CYTIP: variants seen among roughly 807,000 people sequenced by gnomAD.
CYTIP encodes cytohesin 1 interacting protein.
CYTIP carries 26 observed loss-of-function variants against 43.8 expected under a neutral mutation model. The observed-to-expected ratio is 0.59, with a 90% CI of 0.44 to 0.82. CYTIP has a LOEUF of 0.82. Among genes scored for constraint, CYTIP ranks in the 40% least tolerant of loss-of-function variants. CYTIP has a pLI of 0.00. For synonymous variants in CYTIP, 162 were observed against 162.9 expected, an observed-to-expected ratio of 0.99 and a Z score of 0.04; for missense variants, 426 against 443.1, an observed-to-expected ratio of 0.96 and a Z score of 0.35.
Position 157,427,414 on chromosome 2 carries a change from C to G in CYTIP, c.483G>C (p.Glu161Asp). Residue 161 changes from glutamate (E) to aspartate (D), a missense_variant, in exon 6 of 8, where the codon GAG becomes GAC. Transcript: ENST00000264192. Reference protein sequence around the residue: ...IRSSGNLLTIETLNGTMILKR... With the variant: ...IRSSGNLLTIDTLNGTMILKR... The stretch of plus-strand genomic sequence containing the variant: ...TCAGAATCATTGTTCCATTAAGAGT[C>G]TCTATCCTGTTTTAAGGAAAAAAAA... 1 of 1,602,620 alleles carries G rather than the reference C, an allele frequency of 6.2e-7. No homozygotes were observed. Among genetic ancestry groups the G allele is most frequent in the Non-Finnish European group, 8.5e-7 (1 of 1,176,314 alleles).
In CYTIP at chr2:157,424,977, C is replaced by A. The variant is rs370542007; in HGVS notation, c.546+2374G>T. 1.2e-4 allele frequency among the ~76,000 whole-genome samples: 19 copies of A among 152,058 alleles called. No homozygotes were observed. The South Asian group carries it at 3.7e-3, about 30-fold the overall frequency. ...TACAAAATAAATGGTACTGGAAGAA[C>A]TGGTTATTCATATGGAAAAAAATTA... On this transcript the variant is annotated intron_variant, in intron 6 of 7. Coordinates refer to ENST00000264192, the MANE Select transcript of CYTIP (RefSeq NM_004288.5).
chr2:157,418,518 T>C lies in CYTIP; in HGVS notation c.613+5A>G. The C allele has an allele frequency of 6.3e-7, 1 of 1,588,132 alleles. No individual in the cohort carries two copies. The highest frequency in any genetic ancestry group is 1.4e-5 in the African/African-American group (1 of 73,488). ...TGTGGTTTCTGAACAGGAAATTGCATTTACCATGAAGCAGACGATGTTCCT... is the reference window on the plus strand; with the variant it reads ...TGTGGTTTCTGAACAGGAAATTGCACTTACCATGAAGCAGACGATGTTCCT... On this transcript the variant is annotated splice_donor_5th_base_variant and intron_variant, in intron 7 of 7. Coordinates refer to ENST00000264192, the MANE Select transcript of CYTIP (RefSeq NM_004288.5).
chr2:157,430,523 A>AT, intron 5 of CYTIP, 36 bp downstream of exon 5: 3 of 1,570,376 alleles, frequency 1.9e-6, no homozygotes, highest in Non-Finnish European at 2.6e-6. Flanking sequence ...AAAACATAAC[A>AT]TTTTGAAGCC....
chr2:157,421,880 A>G (rs543720635), intron 6 of CYTIP, among the ~76,000 whole-genome samples: 1 of 152,344 alleles, frequency 6.6e-6, no homozygotes, highest in South Asian at 2.1e-4. Context: ...GACATGCAAG[A>G]TAGAAAACAG....
rs571689168 is a variant in CYTIP, at chr2:157,429,035, A to G, written c.476+1524T>C. Among the ~76,000 whole-genome samples the G allele has an allele frequency of 9.2e-5, 14 of 152,322 alleles. No individual in the cohort carries two copies. In the South Asian group the frequency reaches 2.7e-3, roughly 29 times the overall value. The stretch of plus-strand genomic sequence containing the variant: ...GCCCCCTCTAAGCTTCAGGCACTTC[A>G]TCTATAAATAGGAATAAAATTAACC... On this transcript the variant is annotated intron_variant, in intron 5 of 7. Coordinates refer to ENST00000264192, the MANE Select transcript of CYTIP (RefSeq NM_004288.5).
intron 1 of CYTIP, 50 bp from the exon 2 acceptor site, chr2:157,434,797 T>A: frequency 7.9e-7 from 1 of 1,258,516 alleles, no homozygotes; most frequent in Non-Finnish European, 1.1e-6. Context: ...CAAGATACAC[T>A]GTAAAATGTT....
intron 1 of CYTIP, chr2:157,438,941 G>A (rs1344315517): frequency 7.1e-6 from 3 of 422,594 alleles, no homozygotes; most frequent in African/African-American, 2.0e-5. Context: ...TCATCCAATC[G>A]GTCTTTTGAA....
intron 1 of CYTIP, among the ~76,000 whole-genome samples, chr2:157,435,327 A>G (rs1278408492): frequency 6.6e-6 from 1 of 152,216 alleles, no homozygotes; most frequent in African/African-American, 2.4e-5. Flanking sequence ...TCTCTAAACA[A>G]CCAACTCACA....
intron 2 of CYTIP, 36 bp downstream of exon 2, chr2:157,434,661 AT>A: frequency 6.6e-7 from 1 of 1,513,942 alleles, no homozygotes; most frequent in Non-Finnish European, 9.2e-7. Flanking sequence ...GTTCCTAAAT[AT>A]TTTGGGAGAG....
chr2:157,436,553 C>G (rs1685809171), intron 1 of CYTIP, among the ~76,000 whole-genome samples: 1 of 151,834 alleles, frequency 6.6e-6, no homozygotes, highest in Non-Finnish European at 1.5e-5. Flanking sequence ...CAGTATTCAT[C>G]ATATTATTCA....
intron 5 of CYTIP, among the ~76,000 whole-genome samples, chr2:157,428,929 C>G (rs1346634595): frequency 6.6e-6 from 1 of 152,236 alleles, no homozygotes; most frequent in African/African-American, 2.4e-5. Context: ...GCAGCTGTAG[C>G]TGAAAAGGAC....
intron 5 of CYTIP, 21 bp downstream of exon 5, chr2:157,430,538 G>T (rs370533583): frequency 6.2e-7 from 1 of 1,603,530 alleles, no homozygotes; most frequent in South Asian, 1.1e-5. Flanking sequence ...GAAGCCCCAC[G>T]GGAACTAGAC....
chr2:157,416,697 G>T (rs1297603612), intron 7 of CYTIP, among the ~76,000 whole-genome samples: 3 of 152,136 alleles, frequency 2.0e-5, no homozygotes, highest in African/African-American at 7.2e-5. Context: ...TTAGAGAAAG[G>T]ATTTGTGAAA....
At chr2:157,424,835 G>T (rs1241750694) in intron 6 of CYTIP, among the ~76,000 whole-genome samples, 1 of 152,082 alleles carries the variant, frequency 6.6e-6, no homozygotes, top group African/African-American at 2.4e-5. Context: ...AATAGTTTGG[G>T]ATAAACAAAT....
rs757884012 is a variant in CYTIP, at chr2:157,443,935, G to A, written c.86C>T (p.Thr29Ile). 46 of 1,614,062 alleles carry A rather than the reference G, an allele frequency of 2.8e-5. No individual in the cohort carries two copies. In the South Asian group the frequency reaches 3.8e-4, roughly 13 times the overall value. ...CAGPAYSSYS[T>I]LTGSLTMDDN... Reference sequence around the variant, plus strand: ...GTCCATCGTAAGGCTGCCGGTGAGTGTGGAGTAAGAGCTATACGCTGGCCC... The same window carrying A: ...GTCCATCGTAAGGCTGCCGGTGAGTATGGAGTAAGAGCTATACGCTGGCCC... The change falls in exon 1 of 8, where the codon ACA (threonine) becomes ATA (isoleucine). Residue 29 changes from threonine (T) to isoleucine (I), a missense_variant. Transcript: ENST00000264192.
rs1685473322 is a variant in CYTIP at position 157,418,556 on chromosome 2, A to C, written c.580T>G (p.Ser194Ala). ...TLKQKWVEYR[S>A]LQLQEHRLLH... is the part of the protein sequence containing the mutation. ...AGACGATGTTCCTGTAACTGCAGAG[A>C]TCTGTACTCCACCCATTTTTGTTTC... Residue 194 changes from serine (S) to alanine (A), a missense_variant, in exon 7 of 8, where the codon TCT becomes GCT. Coordinates refer to ENST00000264192, the MANE Select transcript of CYTIP (RefSeq NM_004288.5). 6.3e-7 allele frequency: 1 copy of C among 1,593,154 alleles called. No homozygotes were observed. The highest frequency in any genetic ancestry group is 1.7e-5 in the Admixed American group (1 of 57,682).
rs763326333 is a variant in CYTIP, at chr2:157,430,982, A to G, written c.280-20T>C. 3.8e-6 allele frequency: 6 copies of G among 1,575,284 alleles called. No homozygotes were observed. The highest frequency in any genetic ancestry group is 2.2e-5 in the East Asian group (1 of 44,696). On this transcript the variant is annotated intron_variant, in intron 3 of 7. Transcript: ENST00000264192. ...GTAAGACTGTAAAAATTAAGATGAT[A>G]TATAGTTACTATTTAACAACCTCAA...
intron 1 of CYTIP, among the ~76,000 whole-genome samples, chr2:157,441,026 T>C (rs956312490): frequency 6.6e-6 from 1 of 152,014 alleles, no homozygotes; most frequent in Non-Finnish European, 1.5e-5. Flanking sequence ...AGTGAGATAA[T>C]ATGCACACAG....
At chr2:157,441,023 T>C (rs1217631512) in intron 1 of CYTIP, among the ~76,000 whole-genome samples, 1 of 152,120 alleles carries the variant, frequency 6.6e-6, no homozygotes, top group Non-Finnish European at 1.5e-5. Flanking sequence ...GGTAGTGAGA[T>C]AATATGCACA....
Sources: gnomAD v4.1 joint callset for allele counts (sites outside exome capture counted in the v4.1 genomes callset) on GRCh38, gnomAD v4.1.1 for gene constraint, MANE v1.5 for transcripts, NCBI Gene and HGNC (gene_info 2026-07-23, HGNC 2026-07-21) for gene names.